Variants in TMEM132B observed in about 807,000 individuals in gnomAD.
TMEM132B encodes transmembrane protein 132B.
A neutral mutation model predicts 90.8 loss-of-function variants in TMEM132B; 18 were observed. The observed-to-expected ratio is 0.20, with a 90% CI of 0.14 to 0.29. The LOEUF is 0.29. Among genes scored for constraint, TMEM132B ranks in the 10% least tolerant of loss-of-function variants. The pLI is 1.00. For synonymous variants in TMEM132B, 504 were observed against 523.3 expected, an observed-to-expected ratio of 0.96 and a Z score of 0.50; for missense variants, 1,096 against 1,326.8, an observed-to-expected ratio of 0.83 and a Z score of 2.70.
In TMEM132B at chr12:125,351,531, T is replaced by G. The variant is rs560168269; in HGVS notation, c.959+1188T>G. Among the ~76,000 whole-genome samples, 147 of 152,180 alleles carry G rather than the reference T, an allele frequency of 9.7e-4. 2 individuals carry two copies. The Middle Eastern group carries it at 0.034, about 35-fold the overall frequency. On this transcript the variant is annotated intron_variant, in intron 2 of 8. Transcript: ENST00000682704. ...AGAGACTGAGACAACATAAGTATAT[T>G]AAAAGCAAGAATTTAATATAAAGAA...
At chr12:125,542,111 G>A (rs554687865) in intron 4 of TMEM132B, among the ~76,000 whole-genome samples, 166 of 150,928 alleles carry the variant, frequency 1.1e-3, no homozygotes, top group African/African-American at 3.9e-3. Flanking sequence ...AAGCCACTCT[G>A]GGAAGCATAA....
In TMEM132B at chr12:125,528,185, G is replaced by C. The variant is rs143129737; in HGVS notation, c.1293+8560G>C. ...CACAAATTTGCCTTTTTCCTTCAAT[G>C]GTGTCCCTTCTTTAGGTTTTCTGCC... On this transcript the variant is annotated intron_variant, in intron 4 of 8. Transcript: ENST00000682704. 1.8e-3 allele frequency among the ~76,000 whole-genome samples: 270 copies of C among 151,046 alleles called. 1 individual carries two copies. The highest frequency in any genetic ancestry group is 6.2e-3 in the African/African-American group (254 of 41,002).
At chr12:125,425,828 A>T (rs1880302344) in intron 3 of TMEM132B, among the ~76,000 whole-genome samples, 1 of 152,198 alleles carries the variant, frequency 6.6e-6, no homozygotes, top group Non-Finnish European at 1.5e-5. Flanking sequence ...TGGATGGACC[A>T]CAGTTTATAC....
In TMEM132B at chr12:125,658,106, T is replaced by C. The variant is rs1887113575; in HGVS notation, c.*3396T>C. The C allele has an allele frequency of 6.6e-6, 1 of 152,260 alleles. No homozygotes were observed. Among genetic ancestry groups the C allele is most frequent in the South Asian group, 2.1e-4 (1 of 4,836 alleles). The allele number at this position is 152,260 out of a possible 1,614,324, so 9.4% of individuals were successfully genotyped here. A position where few individuals can be genotyped will look rare whatever the true frequency, so the allele number is the denominator to read the frequency against. On this transcript the variant is annotated 3_prime_UTR_variant, in exon 9 of 9. Coordinates refer to ENST00000682704, the MANE Select transcript of TMEM132B (RefSeq NM_001366854.1). ...CCAAGAGAAGGAATAATTGTCTTTC[T>C]AGCTGTTATATATTGCACACTGGCC...
At chr12:125,589,251 G>A (rs1885251611) in intron 5 of TMEM132B, among the ~76,000 whole-genome samples, 1 of 152,064 alleles carries the variant, frequency 6.6e-6, no homozygotes, top group South Asian at 2.1e-4. Flanking sequence ...GGGAGGCCAA[G>A]GCGGGCAGAT....
intron 5 of TMEM132B, among the ~76,000 whole-genome samples, chr12:125,620,073 A>G (rs1399368694): frequency 6.6e-6 from 1 of 152,224 alleles, no homozygotes; most frequent in African/African-American, 2.4e-5. Flanking sequence ...AATGAGATTT[A>G]TAAATCATAG....
At chr12:125,526,440 A>T (rs1808012694) in intron 4 of TMEM132B, among the ~76,000 whole-genome samples, 1 of 152,222 alleles carries the variant, frequency 6.6e-6, no homozygotes, top group African/African-American at 2.4e-5. Context: ...ACTGGGTGGC[A>T]TACACAGATG....
At chr12:125,572,233 G>A (rs1226061173) in intron 4 of TMEM132B, among the ~76,000 whole-genome samples, 1 of 152,226 alleles carries the variant, frequency 6.6e-6, no homozygotes, top group East Asian at 1.9e-4. Flanking sequence ...TGGTCTGTGT[G>A]TGTCTCCCAA....
chr12:125,320,921 T>C (rs887692182), intron 1 of TMEM132B, among the ~76,000 whole-genome samples: 13 of 152,198 alleles, frequency 8.5e-5, no homozygotes, highest in African/African-American at 3.1e-4. Flanking sequence ...AGCAGACTCA[T>C]TGGGTGGTAG....
chr12:125,583,236 G>A (rs1885094744), intron 4 of TMEM132B, among the ~76,000 whole-genome samples: 1 of 152,074 alleles, frequency 6.6e-6, no homozygotes, highest in African/African-American at 2.4e-5. Flanking sequence ...ACTCTGAGGG[G>A]ATCAATCAAC....
At chr12:125,202,097 A>G (rs918795825) in intron 1 of TMEM132B, among the ~76,000 whole-genome samples, 4 of 152,190 alleles carry the variant, frequency 2.6e-5, no homozygotes, top group Non-Finnish European at 2.9e-5. Context: ...ACAACCAATC[A>G]GAACGTCCCA....
At chr12:125,262,772 T>C (rs1039665538) in intron 1 of TMEM132B, among the ~76,000 whole-genome samples, 2 of 152,236 alleles carry the variant, frequency 1.3e-5, no homozygotes, top group Non-Finnish European at 2.9e-5. Context: ...CATTCTCATG[T>C]ATTTAATATT....
At chr12:125,637,142 G>A (rs1886503438) in intron 5 of TMEM132B, among the ~76,000 whole-genome samples, 1 of 152,200 alleles carries the variant, frequency 6.6e-6, no homozygotes, top group African/African-American at 2.4e-5. Flanking sequence ...TTTGATAAGG[G>A]TGGGAGAAAT....
chr12:125,539,575 A>G (rs1883900990), intron 4 of TMEM132B, among the ~76,000 whole-genome samples: 1 of 152,226 alleles, frequency 6.6e-6, no homozygotes, highest in Non-Finnish European at 1.5e-5. Context: ...CCGTGAGGGC[A>G]GGCCCTTGTT....
chr12:125,595,227 C>T (rs1018717123), intron 5 of TMEM132B, among the ~76,000 whole-genome samples: 4 of 152,190 alleles, frequency 2.6e-5, no homozygotes, highest in Non-Finnish European at 4.4e-5. Context: ...TGCTCTTCCT[C>T]ATTAGTTCTT....
chr12:125,479,235 T>C (rs1240955428), intron 3 of TMEM132B, among the ~76,000 whole-genome samples: 2 of 152,210 alleles, frequency 1.3e-5, no homozygotes, highest in Non-Finnish European at 2.9e-5. Flanking sequence ...AATGTCACAA[T>C]GACAGGATCA....
chr12:125,607,610 A>G (rs1480340106), intron 5 of TMEM132B, among the ~76,000 whole-genome samples: 1 of 152,268 alleles, frequency 6.6e-6, no homozygotes. Flanking sequence ...ACAGTACAAA[A>G]TTAGCATATA....
At chr12:125,196,061 C>G (rs531810772) in intron 1 of TMEM132B, among the ~76,000 whole-genome samples, 1 of 152,144 alleles carries the variant, frequency 6.6e-6, no homozygotes, top group African/African-American at 2.4e-5. Context: ...CTCACAGGAG[C>G]AGAAGCCCTG....
chr12:125,433,769 G>A (rs1253426589), intron 3 of TMEM132B, among the ~76,000 whole-genome samples: 2 of 144,980 alleles, frequency 1.4e-5, no homozygotes, highest in Admixed American at 1.4e-4. Flanking sequence ...TATACACCAT[G>A]GAATACTATG....
Sources: allele counts gnomAD v4.1 joint callset (sites outside exome capture counted in the v4.1 genomes callset), GRCh38; gene constraint gnomAD v4.1.1; transcripts MANE v1.5; gene names NCBI Gene and HGNC (gene_info 2026-07-23, HGNC 2026-07-21).